The following ROR2 variants were observed in gnomAD, a reference collection of about 807,000 sequenced individuals.
ROR2 encodes ROR family WNT receptor 2.
ROR2 carries 33 observed loss-of-function variants against 74.9 expected under a neutral mutation model. That is an observed-to-expected ratio of 0.44 (90% CI 0.33 to 0.59). The LOEUF (loss-of-function observed/expected upper bound fraction) is 0.59. Ranked by LOEUF, ROR2 falls within the 20% of genes least tolerant of loss-of-function variation. ROR2 has a pLI of 0.02. For missense variants in ROR2, 1,216 were observed against 1,313.8 expected (o/e 0.93, Z 1.15); for synonymous variants, 586 against 558.7 (o/e 1.05, Z -0.69).
rs1826146229 is a variant in ROR2 at position 91,769,052 on chromosome 9, G to A, written c.175+6689C>T. ...GGGAAAGGTTTGCTTGGGATTGCGTGGCTGTGGGCCGGGCGGAGGCAGACA... is the reference window on the plus strand; with the variant it reads ...GGGAAAGGTTTGCTTGGGATTGCGTAGCTGTGGGCCGGGCGGAGGCAGACA... On this transcript the variant is annotated intron_variant, in intron 2 of 8. Transcript: ENST00000375708. Among the ~76,000 whole-genome samples the A allele has an allele frequency of 2.0e-5, 3 of 152,274 alleles. No homozygotes were observed. The South Asian group carries it at 6.2e-4, about 32-fold the overall frequency.
At chr9:91,785,264 T>TC (rs1453148440) in intron 1 of ROR2, among the ~76,000 whole-genome samples, 1 of 152,188 alleles carries the variant, frequency 6.6e-6, no homozygotes, top group African/African-American at 2.4e-5. Flanking sequence ...TGTTTCAGGG[T>TC]CCCTGTGCAT....
intron 1 of ROR2, among the ~76,000 whole-genome samples, chr9:91,850,726 C>T (rs1004295321): frequency 6.6e-6 from 1 of 152,190 alleles, no homozygotes; most frequent in Admixed American, 6.5e-5. Context: ...TAACGTAACT[C>T]GCAAAGATGA....
chr9:91,925,628 G>A (rs1308464143), intron 1 of ROR2, among the ~76,000 whole-genome samples: 1 of 152,094 alleles, frequency 6.6e-6, no homozygotes, highest in Admixed American at 6.6e-5. Flanking sequence ...CCAAATACAT[G>A]CACACACCTA....
intron 1 of ROR2, among the ~76,000 whole-genome samples, chr9:91,784,275 C>G (rs924017131): frequency 2.0e-5 from 3 of 152,186 alleles, no homozygotes; most frequent in African/African-American, 7.2e-5. Context: ...GCTGTTTGCT[C>G]TATCTGCAGA....
intron 1 of ROR2, among the ~76,000 whole-genome samples, chr9:91,819,340 G>A (rs545800819): frequency 1.2e-4 from 19 of 152,312 alleles, no homozygotes; most frequent in Admixed American, 1.1e-3. Flanking sequence ...AACCTTCGGG[G>A]CTACAGGCAA....
chr9:91,768,618 C>T (rs1043413012), intron 2 of ROR2, among the ~76,000 whole-genome samples: 2 of 152,176 alleles, frequency 1.3e-5, no homozygotes, highest in African/African-American at 2.4e-5. Context: ...CCCCGCTGGG[C>T]GCAGGTTGTC....
At chr9:91,821,252 C>A (rs894086347) in intron 1 of ROR2, among the ~76,000 whole-genome samples, 13 of 152,174 alleles carry the variant, frequency 8.5e-5, no homozygotes, top group African/African-American at 3.1e-4. Context: ...TTCTGGCCCC[C>A]AGAATTAGGA....
At chr9:91,806,658 C>G (rs1462790790) in intron 1 of ROR2, among the ~76,000 whole-genome samples, 4 of 152,172 alleles carry the variant, frequency 2.6e-5, no homozygotes. Context: ...GGCACGATCT[C>G]AGCTTACTAC....
intron 1 of ROR2, among the ~76,000 whole-genome samples, chr9:91,811,186 GA>G (rs1467517210): frequency 6.6e-6 from 1 of 152,222 alleles, no homozygotes; most frequent in East Asian, 1.9e-4. Flanking sequence ...GCTGGTGGGG[GA>G]AAAGCTGTCA....
At chr9:91,728,724 C>A (rs1165690955) in intron 7 of ROR2, among the ~76,000 whole-genome samples, 1 of 152,260 alleles carries the variant, frequency 6.6e-6, no homozygotes, top group Non-Finnish European at 1.5e-5. Context: ...AGCCACCACA[C>A]CCGGCCTAAA....
intron 1 of ROR2, among the ~76,000 whole-genome samples, chr9:91,871,423 A>C (rs948364974): frequency 5.3e-5 from 8 of 152,362 alleles, no homozygotes; most frequent in African/African-American, 1.9e-4. Context: ...CTACAGTGGA[A>C]GAATGTGTTC....
chr9:91,781,349 C>T (rs535155874), intron 1 of ROR2, among the ~76,000 whole-genome samples: 4 of 152,324 alleles, frequency 2.6e-5, no homozygotes, highest in Non-Finnish European at 4.4e-5. Flanking sequence ...CCCACTTGCA[C>T]GTGCAAATGT....
chr9:91,852,448 G>T (rs1587783383), intron 1 of ROR2, among the ~76,000 whole-genome samples: 1 of 152,184 alleles, frequency 6.6e-6, no homozygotes, highest in Non-Finnish European at 1.5e-5. Flanking sequence ...TATGACTGCT[G>T]TAAAGCAATG....
chr9:91,811,384 G>A (rs537480437), intron 1 of ROR2, among the ~76,000 whole-genome samples: 13 of 152,344 alleles, frequency 8.5e-5, no homozygotes, highest in African/African-American at 2.4e-4. Context: ...CCCCAGGTCC[G>A]CCCCAGCGCT....
intron 4 of ROR2, among the ~76,000 whole-genome samples, chr9:91,744,856 G>A (rs1825357692): frequency 1.3e-5 from 2 of 152,186 alleles, no homozygotes; most frequent in Admixed American, 6.5e-5. Context: ...TGTTCAGGTG[G>A]CTAGTCCCTC....
rs570020961 is a variant in ROR2 at position 91,905,745 on chromosome 9, G to A, written c.97+44122C>T. On this transcript the variant is annotated intron_variant, in intron 1 of 8. Transcript: ENST00000375708. This position sits in a 1 kb window ranked among gnomAD's most constrained non-coding sequence, Gnocchi z 5.3. ...TAGATAAATGGGGGTGGGGGGAGGGGCCATCACACTCTTTAGGGAGAGAAA... is the reference window on the plus strand; with the variant it reads ...TAGATAAATGGGGGTGGGGGGAGGGACCATCACACTCTTTAGGGAGAGAAA... Among the ~76,000 whole-genome samples the A allele has an allele frequency of 2.0e-4, 25 of 127,106 alleles. No homozygotes were observed. Among genetic ancestry groups the A allele is most frequent in the African/African-American group, 6.3e-4 (22 of 34,692 alleles). 83.4% of individuals were successfully genotyped at this position (127,106 alleles called of 152,430 possible). A position where few individuals can be genotyped will look rare whatever the true frequency, so the allele number is the denominator to read the frequency against.
chr9:91,737,569 C>T (rs1158448755), intron 4 of ROR2, 51 bp from the exon 5 acceptor site: 9 of 1,613,256 alleles, frequency 5.6e-6, no homozygotes, highest in East Asian at 2.2e-5. Flanking sequence ...TGCCAGGTCC[C>T]GCCAATGACT....
At chr9:91,786,009 T>A (rs1475827068) in intron 1 of ROR2, among the ~76,000 whole-genome samples, 1 of 151,960 alleles carries the variant, frequency 6.6e-6, no homozygotes, top group Non-Finnish European at 1.5e-5. Flanking sequence ...GTGTCTCCAA[T>A]ACATTTCACT....
intron 1 of ROR2, among the ~76,000 whole-genome samples, chr9:91,818,798 T>G (rs374691047): frequency 2.3e-4 from 35 of 152,138 alleles, no homozygotes; most frequent in African/African-American, 7.7e-4. Context: ...CACACAGCCT[T>G]GGGCAGCCTC....
Sources: gnomAD v4.1 joint callset for allele counts (sites outside exome capture counted in the v4.1 genomes callset) on GRCh38, gnomAD v4.1.1 for gene constraint, Gnocchi (gnomAD v3.1) non-coding constraint, MANE v1.5 for transcripts, NCBI Gene and HGNC (gene_info 2026-07-23, HGNC 2026-07-21) for gene names.